ARIH2: variants seen among roughly 807,000 people sequenced by gnomAD.
ARIH2 encodes the protein ariadne RBR E3 ubiquitin protein ligase 2, also known as E3 ubiquitin-protein ligase ARIH2.
ARIH2 carries 12 observed loss-of-function variants against 79.8 expected under a neutral mutation model. That is an observed-to-expected ratio of 0.15 (90% CI 0.10 to 0.24). The LOEUF (loss-of-function observed/expected upper bound fraction) is 0.24, where lower values mean the gene tolerates loss of function less well. Among genes scored for constraint, ARIH2 ranks in the 10% least tolerant of loss-of-function variants. The pLI is 1.00. For synonymous variants in ARIH2, 224 were observed against 213.9 expected, an observed-to-expected ratio of 1.05 and a Z score of -0.41; for missense variants, 301 against 618.3, an observed-to-expected ratio of 0.49 and a Z score of 5.44.
At chr3:48,957,884 T>G (rs947816762) in intron 3 of ARIH2, among the ~76,000 whole-genome samples, 1 of 152,008 alleles carries the variant, frequency 6.6e-6, no homozygotes, top group African/African-American at 2.4e-5. Context: ...CCCAGCTAAT[T>G]TTTGTATTTT....
At chr3:48,919,581 A>G (rs548558798) in intron 1 of ARIH2, among the ~76,000 whole-genome samples, 1 of 152,338 alleles carries the variant, frequency 6.6e-6, no homozygotes, top group South Asian at 2.1e-4. Context: ...CATGTTCTTT[A>G]CCTTTGCTGT....
chr3:48,959,261 A>G (rs2090976522), intron 3 of ARIH2, among the ~76,000 whole-genome samples: 1 of 150,802 alleles, frequency 6.6e-6, no homozygotes, highest in Non-Finnish European at 1.5e-5. Flanking sequence ...GCTTGCAGTG[A>G]GCCGAGATTG....
intron 2 of ARIH2, among the ~76,000 whole-genome samples, chr3:48,924,514 A>G (rs981599736): frequency 1.3e-5 from 2 of 150,690 alleles, no homozygotes; most frequent in Non-Finnish European, 3.0e-5. Context: ...GTCTTATTTT[A>G]TTTATTTGTT....
At chr3:48,982,326 G>T (rs1444156356) in intron 14 of ARIH2, among the ~76,000 whole-genome samples, 3 of 152,050 alleles carry the variant, frequency 2.0e-5, no homozygotes, top group Admixed American at 6.6e-5. Flanking sequence ...TGATTTACCT[G>T]CCTGGTAAAT....
At chr3:48,974,780 G>T (rs1469575876) in intron 9 of ARIH2, 37 bp from the exon 10 acceptor site, 1 of 1,610,474 alleles carries the variant, frequency 6.2e-7, no homozygotes, top group South Asian at 1.1e-5. Context: ...CCAACCTGGT[G>T]GTGTGTGAGC....
At chr3:48,968,725 C>T (rs914947103) in intron 7 of ARIH2, 70 bp downstream of exon 7, 2 of 1,560,212 alleles carry the variant, frequency 1.3e-6, no homozygotes, top group Middle Eastern at 2.1e-4. Context: ...ACCACAGTTA[C>T]TTACTTTGTA....
chr3:48,948,985 T>G, intron 3 of ARIH2: 1 of 420,264 alleles, frequency 2.4e-6, no homozygotes, highest in East Asian at 7.2e-5. Flanking sequence ...TTTCTAATTT[T>G]GGGCTACTAC....
Position 48,920,829 on chromosome 3 carries a change from C to T in ARIH2, c.-162+1831C>T, listed in dbSNP as rs1183100618. ...ACAAAAAATTAGCCAGGCATGGTGG[C>T]GGGCGCCTGTAATCCAGTGAGCCGA... On this transcript the variant is annotated intron_variant, in intron 1 of 15. Transcript: ENST00000356401. Among the ~76,000 whole-genome samples, 10 of 61,752 alleles carry T rather than the reference C, an allele frequency of 1.6e-4. 2 individuals are homozygous for T. The highest frequency in any genetic ancestry group is 5.1e-4 in the African/African-American group (10 of 19,538). 40.5% of individuals were successfully genotyped at this position (61,752 alleles called of 152,430 possible).
chr3:48,961,126 T>C (rs932633106), intron 3 of ARIH2, among the ~76,000 whole-genome samples: 5 of 152,196 alleles, frequency 3.3e-5, no homozygotes, highest in Admixed American at 2.6e-4. Context: ...GATTTTAAAC[T>C]GAGTTTTGGG....
intron 8 of ARIH2, among the ~76,000 whole-genome samples, chr3:48,972,780 C>G (rs1471476100): frequency 6.6e-6 from 1 of 152,164 alleles, no homozygotes; most frequent in East Asian, 1.9e-4. Flanking sequence ...GTGATGCGAA[C>G]ACAGCTCACT....
intron 3 of ARIH2, among the ~76,000 whole-genome samples, chr3:48,928,753 G>T (rs1379831453): frequency 1.3e-5 from 2 of 151,478 alleles, no homozygotes; most frequent in Non-Finnish European, 2.9e-5. Flanking sequence ...TCCCCAGATG[G>T]TTGGCAAAGG....
chr3:48,928,187 G>C (rs1177517201), intron 3 of ARIH2, among the ~76,000 whole-genome samples: 1 of 152,188 alleles, frequency 6.6e-6, no homozygotes, highest in Non-Finnish European at 1.5e-5. Flanking sequence ...ACGACTGTGA[G>C]TGACTGATAA....
Position 48,919,098 on chromosome 3 carries a change from C to T in ARIH2, c.-162+100C>T, listed in dbSNP as rs889546216. On this transcript the variant is annotated intron_variant, in intron 1 of 15. Transcript: ENST00000356401. ...GGCCGGGCCGGGACTCCGCCTTCGC[C>T]GTCGCCCGGGAGGCCCGGGCGCTCC... 27 of 1,274,582 alleles carry T rather than the reference C, an allele frequency of 2.1e-5. No homozygotes were observed. The South Asian group carries it at 2.8e-4, about 13-fold the overall frequency. The allele number at this position is 1,274,582 out of a possible 1,614,324, so 79.0% of individuals were successfully genotyped here.
Position 48,926,973 on chromosome 3 carries a change from A to C in ARIH2, c.-97-489A>C, listed in dbSNP as rs529848829. On this transcript the variant is annotated intron_variant, in intron 2 of 15. Coordinates refer to ENST00000356401, the MANE Select transcript of ARIH2 (RefSeq NM_006321.4). ...CCTATTTTTCAGACACCTAAAAGTA[A>C]TGTCTGTGAAACAGTGGTTTTCTTT... The C allele has an allele frequency of 1.7e-3, 261 of 153,932 alleles. 1 individual carries two copies. The highest frequency in any genetic ancestry group is 7.7e-3 in the Admixed American group (121 of 15,628). The allele number at this position is 153,932 out of a possible 1,614,324, so 9.5% of individuals were successfully genotyped here.
intron 3 of ARIH2, among the ~76,000 whole-genome samples, chr3:48,929,480 G>A (rs1295752231): frequency 6.6e-6 from 1 of 152,044 alleles, no homozygotes. Flanking sequence ...GCCCTTAGGA[G>A]TCCTCAGAGT....
intron 3 of ARIH2, among the ~76,000 whole-genome samples, chr3:48,951,804 C>A (rs905267989): frequency 6.6e-6 from 1 of 151,948 alleles, no homozygotes; most frequent in Non-Finnish European, 1.5e-5. Flanking sequence ...AATTTGTTTT[C>A]TCTTTTTTCC....
intron 5 of ARIH2, 93 bp from the exon 6 acceptor site, chr3:48,967,032 G>C: frequency 7.4e-7 from 1 of 1,349,196 alleles, no homozygotes; most frequent in Non-Finnish European, 1.0e-6. Flanking sequence ...TGCAGGGTGA[G>C]GATCACTTTC....
At chr3:48,978,697 C>T (rs542271880) in intron 11 of ARIH2, among the ~76,000 whole-genome samples, 2 of 151,702 alleles carry the variant, frequency 1.3e-5, no homozygotes, top group Non-Finnish European at 2.9e-5. Flanking sequence ...CAGTGGCTCA[C>T]GCCTATAATC....
At chr3:48,955,537 T>G (rs2090480117) in intron 3 of ARIH2, among the ~76,000 whole-genome samples, 3 of 152,192 alleles carry the variant, frequency 2.0e-5, no homozygotes, top group South Asian at 2.1e-4. Context: ...GAACAAATTA[T>G]AAAGGGTAAC....
Sources: gnomAD v4.1 joint callset for allele counts (sites outside exome capture counted in the v4.1 genomes callset) on GRCh38, gnomAD v4.1.1 for gene constraint, MANE v1.5 for transcripts, NCBI Gene and HGNC (gene_info 2026-07-23, HGNC 2026-07-21) for gene names.